Variants in ZNF57 observed in about 807,000 individuals in gnomAD.
The protein encoded by ZNF57 is zinc finger protein 57, also known as zinc finger protein 424.
Under a neutral mutation model 13.4 loss-of-function variants are expected in ZNF57, and 11 were observed. The observed-to-expected ratio is 0.82, with a 90% CI of 0.52 to 1.36. The LOEUF is 1.36. Ranked by LOEUF, ZNF57 falls within the 40% of genes most tolerant of loss-of-function variation. The pLI is 0.00. For synonymous variants in ZNF57, 224 were observed against 238.5 expected (o/e 0.94, Z 0.56); for missense variants, 696 against 667.5 (o/e 1.04, Z -0.47).
intron 1 of ZNF57, among the ~76,000 whole-genome samples, chr19:2,905,046 C>T (rs2088060670): frequency 6.6e-6 from 1 of 152,150 alleles, no homozygotes; most frequent in Admixed American, 6.5e-5. Flanking sequence ...GTTAAACTGC[C>T]CCTCGTTTCC....
At chr19:2,909,275 A>ATTTATTTT (rs1341390463) in intron 1 of ZNF57, among the ~76,000 whole-genome samples, 9 of 103,788 alleles carry the variant, frequency 8.7e-5, no homozygotes, top group Middle Eastern at 4.8e-3. Context: ...TATTTTATTT[A>ATTTATTTT]TTTTTGTTTT....
At chr19:2,903,754 G>A (rs7252716) in intron 1 of ZNF57, among the ~76,000 whole-genome samples, 120,668 of 150,466 alleles carry the variant, frequency 0.8, 49,030 homozygotes, top group Non-Finnish European at 0.88. Flanking sequence ...TTACTCTGTC[G>A]CCCAGGCTGG....
chr19:2,916,192 A>C lies in ZNF57; in HGVS notation c.245A>C (p.Tyr82Ser), dbSNP rs762688143. Reference protein sequence around the residue: ...PNFTGNNSCAYTLEKNCEGYG... With the variant: ...PNFTGNNSCASTLEKNCEGYG... ...TTCACAGGAAATAATTCCTGTGCCT[A>C]CACTTTAGAAAAAAATTGTGAAGGC... is the stretch of plus-strand genomic sequence containing the variant. The change falls in exon 3 of 4, where the codon TAC (tyrosine) becomes TCC (serine). Residue 82 changes from tyrosine (Y) to serine (S), a missense_variant. By Grantham distance (144) the Tyr-to-Ser change is moderately radical (BLOSUM62 -2). Around this residue, in one of 3 missense-constraint regions of ZNF57, gnomAD observed 645 missense variants for 591.5 expected, o/e 1.09. Coordinates refer to ENST00000306908, the MANE Select transcript of ZNF57 (RefSeq NM_173480.3). 6.2e-7 allele frequency: 1 copy of C among 1,613,832 alleles called. No individual in the cohort carries two copies. Among genetic ancestry groups the C allele is most frequent in the Non-Finnish European group, 8.5e-7 (1 of 1,179,938 alleles).
intron 1 of ZNF57, among the ~76,000 whole-genome samples, chr19:2,902,781 C>T (rs1352732750): frequency 6.6e-6 from 1 of 152,188 alleles, no homozygotes; most frequent in Non-Finnish European, 1.5e-5. Flanking sequence ...TGTTTGCTGA[C>T]TGGGAAAAGC....
intron 1 of ZNF57, among the ~76,000 whole-genome samples, chr19:2,908,943 A>T (rs1166539792): frequency 6.6e-6 from 1 of 151,896 alleles, no homozygotes; most frequent in Non-Finnish European, 1.5e-5. Context: ...TTGACATTTC[A>T]TATGAATGGA....
Position 2,916,672 on chromosome 19 carries a change from C to T in ZNF57, c.303-252C>T, listed in dbSNP as rs145886168. 503 of 290,628 alleles carry T rather than the reference C, an allele frequency of 1.7e-3. 3 individuals are homozygous for T. Among genetic ancestry groups the T allele is most frequent in the African/African-American group, 0.01 (459 of 45,332 alleles). 18.0% of individuals were successfully genotyped at this position (290,628 alleles called of 1,614,324 possible). ...CAGAGCTTGCAGTGAGCTGAGATTG[C>T]GCCACTGCACTCCAGCCTGGGTGAC... On this transcript the variant is annotated intron_variant, in intron 3 of 3. Coordinates refer to ENST00000306908, the MANE Select transcript of ZNF57 (RefSeq NM_173480.3).
chr19:2,911,458 G>A (rs924762227), intron 1 of ZNF57, among the ~76,000 whole-genome samples: 3 of 152,044 alleles, frequency 2.0e-5, no homozygotes, highest in African/African-American at 4.8e-5. Flanking sequence ...TCCTGAACCC[G>A]AGAGGCAGAG....
At position 2,917,355 on chromosome 19, in the gene ZNF57, C is replaced by G; in HGVS notation, c.734C>G (p.Thr245Ser). The G allele has an allele frequency of 6.2e-7, 1 of 1,614,204 alleles. No individual in the cohort carries two copies. Among genetic ancestry groups the G allele is most frequent in the Non-Finnish European group, 8.5e-7 (1 of 1,180,050 alleles). The change falls in exon 4 of 4, where the codon ACT becomes AGT. Residue 245 changes from threonine (T) to serine (S), a missense_variant. By Grantham distance (58) the Thr-to-Ser change is moderately conservative. Transcript: ENST00000306908. ...GFASFTRHVRTHTKDRPYKCQ... is the reference protein window; with the variant it reads ...GFASFTRHVRSHTKDRPYKCQ... Reference sequence around the variant, plus strand: ...GCAAGCTTCACTAGACATGTGAGAACTCACACAAAAGACAGGCCATATAAA... The same window carrying G: ...GCAAGCTTCACTAGACATGTGAGAAGTCACACAAAAGACAGGCCATATAAA...
intron 1 of ZNF57, among the ~76,000 whole-genome samples, chr19:2,906,111 T>C (rs899298505): frequency 2.0e-5 from 3 of 152,320 alleles, no homozygotes; most frequent in African/African-American, 7.2e-5. Flanking sequence ...TGGAGTGCAG[T>C]GATGCAATCA....
Position 2,917,361 on chromosome 19 carries a change from C to T in ZNF57, c.740C>T (p.Thr247Ile). 6.2e-7 allele frequency: 1 copy of T among 1,614,194 alleles called. No individual in the cohort carries two copies. The highest frequency in any genetic ancestry group is 1.1e-5 in the South Asian group (1 of 91,086). ...ASFTRHVRTH[T>I]KDRPYKCQEC... ...TTCACTAGACATGTGAGAACTCACA[C>T]AAAAGACAGGCCATATAAATGTCAG... is the stretch of plus-strand genomic sequence containing the variant. The change falls in exon 4 of 4, where the codon ACA becomes ATA. Residue 247 changes from threonine (T) to isoleucine (I), a missense_variant. Around this residue, in one of 3 missense-constraint regions of ZNF57, gnomAD observed 645 missense variants for 591.5 expected, o/e 1.09. Coordinates refer to ENST00000306908, the MANE Select transcript of ZNF57 (RefSeq NM_173480.3).
intron 1 of ZNF57, among the ~76,000 whole-genome samples, chr19:2,910,892 C>G (rs572911022): frequency 1.3e-5 from 2 of 151,420 alleles, no homozygotes; most frequent in South Asian, 2.1e-4. Context: ...CCGGGCCCGG[C>G]CTGGTTACTG....
chr19:2,916,327 G>C (rs9973295), intron 3 of ZNF57, 78 bp downstream of exon 3: 72,793 of 1,307,304 alleles, frequency 0.056, 2,338 homozygotes, highest in Non-Finnish European at 0.061. Flanking sequence ...TATAAGCATT[G>C]CTCCAAATTT....
chr19:2,916,885 A>G (rs2088204144), intron 3 of ZNF57, 39 bp from the exon 4 acceptor site: 5 of 1,508,514 alleles, frequency 3.3e-6, no homozygotes, highest in Middle Eastern at 1.8e-4. Context: ...CATCATTACT[A>G]AACATACCAT....
rs764174760 is a variant in ZNF57, at chr19:2,918,003, G to A, written c.1382G>A (p.Arg461Lys). Residue 461 changes from arginine (R) to lysine (K), a missense_variant, in exon 4 of 4, where the codon AGA becomes AAA. Physicochemically the swap from Arg to Lys is conservative, Grantham distance 26. This residue lies in a region of ZNF57 where 645 missense variants were observed against 591.5 expected (regional missense o/e 1.09). Transcript: ENST00000306908. ...TGTGGGAAGGCCTTTACCTCTTCCA[G>A]AGCATTCCAAGGTCATTTGAGGATG... ...EHCGKAFTSS[R>K]AFQGHLRMHT... is the part of the protein sequence containing the mutation. 6.2e-7 allele frequency: 1 copy of A among 1,613,918 alleles called. No homozygotes were observed. The highest frequency in any genetic ancestry group is 2.2e-5 in the East Asian group (1 of 44,870).
intron 1 of ZNF57, among the ~76,000 whole-genome samples, chr19:2,904,417 C>G (rs2088055935): frequency 6.6e-6 from 1 of 152,184 alleles, no homozygotes; most frequent in South Asian, 2.1e-4. Flanking sequence ...TCGTGGCTCA[C>G]TGCAGTCTCA....
At position 2,918,354 on chromosome 19, in the gene ZNF57, TCA is replaced by T; in HGVS notation, c.*69_*70del. 6.7e-7 allele frequency: 1 copy of T among 1,486,482 alleles called. No individual in the cohort carries two copies. The highest frequency in any genetic ancestry group is 2.3e-5 in the East Asian group (1 of 43,850). 92.1% of individuals were successfully genotyped at this position (1,486,482 alleles called of 1,614,324 possible). A position where few individuals can be genotyped will look rare whatever the true frequency, so the allele number is the denominator to read the frequency against. On this transcript the variant is annotated 3_prime_UTR_variant, in exon 4 of 4. Coordinates refer to ENST00000306908, the MANE Select transcript of ZNF57 (RefSeq NM_173480.3). ...ATTCATGTATAATGCTCCAGAAAAT[TCA>T]CACCAGGAGAGAAATCTTACAAGTA...
At chr19:2,905,312 A>G (rs1184039524) in intron 1 of ZNF57, among the ~76,000 whole-genome samples, 1 of 146,892 alleles carries the variant, frequency 6.8e-6, no homozygotes, top group Non-Finnish European at 1.5e-5. Flanking sequence ...TTACAGGCAC[A>G]TGCCAGCACG....
chr19:2,908,461 G>GTTTTTTTT (rs60289248), intron 1 of ZNF57, among the ~76,000 whole-genome samples: 2 of 122,640 alleles, frequency 1.6e-5, no homozygotes, highest in African/African-American at 6.5e-5. Flanking sequence ...TATTTTTTTG[G>GTTTTTTTT]TTTTTTTTTT....
Position 2,917,873 on chromosome 19 carries a change from A to C in ZNF57, c.1252A>C (p.Lys418Gln). Reference protein sequence around the residue: ...RGHLRTHTGEKPYECKQCGKT... With the variant: ...RGHLRTHTGEQPYECKQCGKT... ...TCATTTGAGGACGCACACTGGAGAG[A>C]AGCCTTATGAGTGTAAACAATGTGG... The change falls in exon 4 of 4, where the codon AAG (lysine) becomes CAG (glutamine). Residue 418 changes from lysine to glutamine, a missense_variant. This residue lies in a region of ZNF57 where 645 missense variants were observed against 591.5 expected (regional missense o/e 1.09). Transcript: ENST00000306908. The C allele has an allele frequency of 6.2e-7, 1 of 1,611,982 alleles. No homozygotes were observed. Among genetic ancestry groups the C allele is most frequent in the Non-Finnish European group, 8.5e-7 (1 of 1,179,192 alleles).
Sources: gnomAD v4.1 joint callset for allele counts (sites outside exome capture counted in the v4.1 genomes callset) on GRCh38, gnomAD v4.1.1 for gene constraint, gnomAD v4.1.1 regional missense constraint, MANE v1.5 for transcripts, NCBI Gene and HGNC (gene_info 2026-07-23, HGNC 2026-07-21) for gene names.